Variants in SMAD6 observed in about 807,000 individuals in gnomAD.
SMAD6 encodes SMAD family member 6, also known as MAD homolog 6.
A neutral mutation model predicts 39.4 loss-of-function variants in SMAD6; 103 were observed. The ratio of observed to expected loss-of-function variants is 2.62; its 90% CI spans 2.23 to 3.08. SMAD6 has a LOEUF of 3.08. SMAD6 is among the 30% of genes most tolerant of loss of function. The pLI, the probability that SMAD6 is intolerant of heterozygous loss-of-function variation, is 0.00. For missense variants in SMAD6, 1,104 were observed against 742.9 expected, an observed-to-expected ratio of 1.49 and a Z score of -5.65; for synonymous variants, 445 against 353.3, an observed-to-expected ratio of 1.26 and a Z score of -2.91.
chr15:66,725,349 T>C (rs1411315824), intron 3 of SMAD6, among the ~76,000 whole-genome samples: 1 of 152,176 alleles, frequency 6.6e-6, no homozygotes, highest in Admixed American at 6.5e-5. Context: ...CTGGCATCTC[T>C]GCAAAGCAGG....
chr15:66,750,918 C>T (rs1454642923), intron 3 of SMAD6, among the ~76,000 whole-genome samples: 3 of 152,144 alleles, frequency 2.0e-5, no homozygotes, highest in Admixed American at 2.0e-4. Flanking sequence ...CAGGTGTTGG[C>T]ATTTGCATGG....
Position 66,703,183 on chromosome 15 carries a change from G to C in SMAD6, c.-76G>C. ...ATGTGGGGCTGCGACCCGCGCAGCC[G>C]GCGCCTCGCTGAGGGAACGGACCCC... On this transcript the variant is annotated 5_prime_UTR_variant, in exon 1 of 4. Coordinates refer to ENST00000288840, the MANE Select transcript of SMAD6 (RefSeq NM_005585.5). 1 of 1,138,058 alleles carries C rather than the reference G, an allele frequency of 8.8e-7. No individual in the cohort carries two copies. 70.5% of individuals were successfully genotyped at this position (1,138,058 alleles called of 1,614,324 possible).
At chr15:66,732,609 G>C (rs1893649369) in intron 3 of SMAD6, among the ~76,000 whole-genome samples, 1 of 152,152 alleles carries the variant, frequency 6.6e-6, no homozygotes, top group African/African-American at 2.4e-5. Flanking sequence ...TGATCCTCCT[G>C]TCTTGGCCTC....
chr15:66,705,329 G>A (rs935322718), intron 1 of SMAD6: 1 of 152,198 alleles, frequency 6.6e-6, no homozygotes, highest in African/African-American at 2.4e-5. Flanking sequence ...GGGCATTGAT[G>A]GGGGCAGGTG....
rs772695637 is a variant in SMAD6 at position 66,781,116 on chromosome 15, T to C, written c.1072T>C (p.Tyr358His). 2 of 1,609,068 alleles carry C rather than the reference T, an allele frequency of 1.2e-6. No homozygotes were observed. The highest frequency in any genetic ancestry group is 3.3e-5 in the Admixed American group (2 of 59,986). ...GTACGACCAGGCCGTCAGCATCTTC[T>C]ACGACCTACCTCAGGGCAGCGGCTT... ...AVYDQAVSIFYDLPQGSGFCL... is the reference protein window; with the variant it reads ...AVYDQAVSIFHDLPQGSGFCL... Residue 358 changes from tyrosine to histidine, a missense_variant, in exon 4 of 4, where the codon TAC becomes CAC. Coordinates refer to ENST00000288840, the MANE Select transcript of SMAD6 (RefSeq NM_005585.5).
At chr15:66,771,188 G>T (rs1894373674) in intron 3 of SMAD6, among the ~76,000 whole-genome samples, 1 of 152,172 alleles carries the variant, frequency 6.6e-6, no homozygotes, top group African/African-American at 2.4e-5. Flanking sequence ...TCATCCTCTG[G>T]TGGGTCCCCT....
intron 3 of SMAD6, among the ~76,000 whole-genome samples, chr15:66,722,371 G>T (rs1310416635): frequency 6.6e-6 from 1 of 152,220 alleles, no homozygotes; most frequent in Non-Finnish European, 1.5e-5. Flanking sequence ...GTTTTGGAGA[G>T]CAGGAAGGGC....
chr15:66,735,382 T>TC (rs1893695881), intron 3 of SMAD6, among the ~76,000 whole-genome samples: 1 of 152,204 alleles, frequency 6.6e-6, no homozygotes, highest in African/African-American at 2.4e-5. Flanking sequence ...GCCTGTATTT[T>TC]TTTAGAGATG....
chr15:66,740,407 G>A (rs914172115), intron 3 of SMAD6: 2 of 152,294 alleles, frequency 1.3e-5, no homozygotes, highest in East Asian at 3.9e-4. Flanking sequence ...ACATGCTGGC[G>A]AGATGGCATG....
At chr15:66,704,141 C>T (rs1434025032) in intron 1 of SMAD6, 66 bp downstream of exon 1, 2 of 1,208,524 alleles carry the variant, frequency 1.7e-6, no homozygotes, top group South Asian at 2.0e-5. Flanking sequence ...GTGCCCTTCT[C>T]TCTGTGACAC....
intron 2 of SMAD6, 22 bp downstream of exon 2, chr15:66,711,746 C>G (rs760975799): frequency 7.5e-6 from 12 of 1,602,458 alleles, no homozygotes; most frequent in Non-Finnish European, 1.0e-5. Context: ...CTCCTTCCTA[C>G]CCTTGCAGAG....
intron 3 of SMAD6, among the ~76,000 whole-genome samples, chr15:66,727,230 G>A (rs1347411185): frequency 6.6e-6 from 1 of 151,984 alleles, no homozygotes; most frequent in Non-Finnish European, 1.5e-5. Context: ...AGCCTCCCGA[G>A]TAGCTGGGAC....
At chr15:66,720,537 T>C (rs768054494) in intron 3 of SMAD6, among the ~76,000 whole-genome samples, 1 of 152,162 alleles carries the variant, frequency 6.6e-6, no homozygotes, top group Admixed American at 6.5e-5. Context: ...GGCGGCACAC[T>C]GGGCAAGCTT....
rs75023097 is a variant in SMAD6 at position 66,776,216 on chromosome 15, C to T, written c.953-4781C>T. ...TGCGGTTTGCAAAGGGCCTTGTCAT[C>T]CACAGTCCTATTGAGACCTTCCATG... On this transcript the variant is annotated intron_variant, in intron 3 of 3. Coordinates refer to ENST00000288840, the MANE Select transcript of SMAD6 (RefSeq NM_005585.5). Among the ~76,000 whole-genome samples, 896 of 152,308 alleles carry T rather than the reference C, an allele frequency of 5.9e-3. 13 individuals carry two copies. The highest frequency in any genetic ancestry group is 0.021 in the African/African-American group (867 of 41,548).
chr15:66,730,777 C>T (rs1167478323), intron 3 of SMAD6, among the ~76,000 whole-genome samples: 2 of 152,228 alleles, frequency 1.3e-5, no homozygotes, highest in Non-Finnish European at 2.9e-5. Flanking sequence ...TAACTTATCT[C>T]CACTTGATAG....
chr15:66,781,073 G>T lies in SMAD6; in HGVS notation c.1029G>T (p.Val343=), dbSNP rs139975027. The change falls in exon 4 of 4, where the codon GTG becomes GTT. Residue 343 remains valine (V), a synonymous_variant. Coordinates refer to ENST00000288840, the MANE Select transcript of SMAD6 (RefSeq NM_005585.5). ...CGTACTGGGAGCACCGGACGCGCGT[G>T]GGCCGCCTCTATGCGGTGTACGACC... ...SVAYWEHRTR[V]GRLYAVYDQA... 6.5e-5 allele frequency: 105 copies of T among 1,605,908 alleles called. No individual in the cohort carries two copies. In the African/African-American group the frequency reaches 1.4e-3, roughly 21 times the overall value.
chr15:66,735,832 G>A (rs1292223900), intron 3 of SMAD6, among the ~76,000 whole-genome samples: 1 of 152,192 alleles, frequency 6.6e-6, no homozygotes, highest in Non-Finnish European at 1.5e-5. Flanking sequence ...ATTGGAGGGA[G>A]GCATCATTGC....
chr15:66,780,831 G>A lies in SMAD6; in HGVS notation c.953-166G>A, dbSNP rs530456994. Reference sequence around the variant, plus strand: ...GTGTGAAAGAGATGTCCCGTTGTGCGCCATATTTCCTGAGGACAACCTGGC... The same window carrying A: ...GTGTGAAAGAGATGTCCCGTTGTGCACCATATTTCCTGAGGACAACCTGGC... On this transcript the variant is annotated intron_variant, in intron 3 of 3. Coordinates refer to ENST00000288840, the MANE Select transcript of SMAD6 (RefSeq NM_005585.5). Among the ~76,000 whole-genome samples, 10 of 152,224 alleles carry A rather than the reference G, an allele frequency of 6.6e-5. No individual in the cohort carries two copies. The South Asian group carries it at 1.9e-3, about 28-fold the overall frequency.
At chr15:66,753,122 T>C (rs1402126538) in intron 3 of SMAD6, among the ~76,000 whole-genome samples, 1 of 152,232 alleles carries the variant, frequency 6.6e-6, no homozygotes, top group Admixed American at 6.5e-5. Context: ...GTTTGGGGTC[T>C]TGCAGCCCAG....
Sources: gnomAD v4.1 joint callset for allele counts (sites outside exome capture counted in the v4.1 genomes callset) on GRCh38, gnomAD v4.1.1 for gene constraint, MANE v1.5 for transcripts, NCBI Gene and HGNC (gene_info 2026-07-23, HGNC 2026-07-21) for gene names.